The following SERPING1 variants were observed in gnomAD, a reference collection of about 807,000 sequenced individuals.
SERPING1 encodes the protein serpin family G member 1.
Under a neutral mutation model 34.1 loss-of-function variants are expected in SERPING1, and 5 were observed. That is an observed-to-expected ratio of 0.15 (90% CI 0.08 to 0.31). The LOEUF (loss-of-function observed/expected upper bound fraction) is 0.31, where lower values mean the gene tolerates loss of function less well. SERPING1 is among the 10% of genes least tolerant of loss of function. SERPING1 has a pLI of 1.00. For synonymous variants in SERPING1, 225 were observed against 242.4 expected (o/e 0.93, Z 0.67); for missense variants, 505 against 609.5 (o/e 0.83, Z 1.81).
intron 6 of SERPING1, 35 bp downstream of exon 6, chr11:57,606,582 C>T (rs757086834): frequency 3.1e-6 from 5 of 1,612,778 alleles, no homozygotes; most frequent in Non-Finnish European, 4.2e-6. Context: ...CTGTTTGAAA[C>T]CTACTTGAGT....
intron 3 of SERPING1, among the ~76,000 whole-genome samples, chr11:57,601,665 C>T (rs1441357470): frequency 2.0e-5 from 3 of 151,854 alleles, no homozygotes; most frequent in African/African-American, 7.3e-5. Flanking sequence ...GAGTTCAAGA[C>T]CAGCCTGGCC....
chr11:57,599,044 C>G (rs1214685491), intron 2 of SERPING1, among the ~76,000 whole-genome samples: 1 of 152,032 alleles, frequency 6.6e-6, no homozygotes, highest in Non-Finnish European at 1.5e-5. Context: ...CTGTTTCTCC[C>G]ATTTCTGTGA....
chr11:57,607,534 G>T (rs1347318058), intron 6 of SERPING1, among the ~76,000 whole-genome samples: 1 of 152,122 alleles, frequency 6.6e-6, no homozygotes, highest in Non-Finnish European at 1.5e-5. Context: ...GTTTCCTTCT[G>T]TATCTGTAGT....
rs1162891066 is a variant in SERPING1, at chr11:57,606,310, T to G, written c.889+97T>G. ...TAACCCCAAGTTCTACAATCGGATC[T>G]CAATGTCCCTGCACTACTCTTTGCT... On this transcript the variant is annotated intron_variant, in intron 5 of 7. Transcript: ENST00000278407. 4 of 1,595,364 alleles carry G rather than the reference T, an allele frequency of 2.5e-6. No homozygotes were observed. In the African/African-American group the frequency reaches 5.4e-5, roughly 21 times the overall value.
chr11:57,603,590 G>C (rs567309848), intron 4 of SERPING1, among the ~76,000 whole-genome samples: 1 of 151,404 alleles, frequency 6.6e-6, no homozygotes, highest in African/African-American at 2.4e-5. Flanking sequence ...TGTAATCCCA[G>C]CACTTTGGGA....
chr11:57,601,123 G>A (rs1024033923), intron 3 of SERPING1, among the ~76,000 whole-genome samples: 4 of 151,980 alleles, frequency 2.6e-5, no homozygotes, highest in South Asian at 2.1e-4. Context: ...AAGCCAGGCC[G>A]GATGCGGTGG....
At chr11:57,614,184 G>C in intron 7 of SERPING1, 144 bp from the exon 8 acceptor site, 1 of 1,058,690 alleles carries the variant, frequency 9.4e-7, no homozygotes, top group South Asian at 1.3e-5. Flanking sequence ...CTGCCAGAGG[G>C]TACAGTATGT....
At chr11:57,613,483 C>T (rs1281019480) in intron 7 of SERPING1, among the ~76,000 whole-genome samples, 1 of 152,168 alleles carries the variant, frequency 6.6e-6, no homozygotes, top group Non-Finnish European at 1.5e-5. Flanking sequence ...TCAGGAGACA[C>T]TTACATTTAC....
intron 7 of SERPING1, among the ~76,000 whole-genome samples, chr11:57,613,448 C>T (rs1945503130): frequency 6.6e-6 from 1 of 152,184 alleles, no homozygotes; most frequent in Non-Finnish European, 1.5e-5. Flanking sequence ...AGGGTTTCAT[C>T]ATTTGCTAGA....
chr11:57,611,491 G>A (rs1246494331), intron 6 of SERPING1: 4 of 589,352 alleles, frequency 6.8e-6, no homozygotes, highest in Admixed American at 2.9e-5. Context: ...GGTATAATCA[G>A]AAACTCATGC....
In SERPING1 at chr11:57,614,528, C is replaced by G; in HGVS notation, c.1450C>G (p.Gln484Glu). The change falls in exon 8 of 8, where the codon CAG (glutamine) becomes GAG (glutamate). Residue 484 changes from glutamine to glutamate, a missense_variant. By Grantham distance (29) the Gln-to-Glu change is conservative (BLOSUM62 2). Coordinates refer to ENST00000278407, the MANE Select transcript of SERPING1 (RefSeq NM_000062.3). ...GCCCTTCCTCTTCGTGCTCTGGGAC[C>G]AGCAGCACAAGTTCCCTGTCTTCAT... Reference protein sequence around the residue: ...QQPFLFVLWDQQHKFPVFMGR... With the variant: ...QQPFLFVLWDEQHKFPVFMGR... The G allele has an allele frequency of 6.2e-7, 1 of 1,614,076 alleles. No homozygotes were observed. Among genetic ancestry groups the G allele is most frequent in the Non-Finnish European group, 8.5e-7 (1 of 1,179,978 alleles).
chr11:57,604,535 G>A (rs1326273692), intron 4 of SERPING1, among the ~76,000 whole-genome samples: 1 of 151,974 alleles, frequency 6.6e-6, no homozygotes, highest in Admixed American at 6.6e-5. Flanking sequence ...TCCCCACCCA[G>A]CCTCAGCCAG....
At chr11:57,604,244 G>T (rs1009575263) in intron 4 of SERPING1, among the ~76,000 whole-genome samples, 1 of 152,040 alleles carries the variant, frequency 6.6e-6, no homozygotes, top group African/African-American at 2.4e-5. Flanking sequence ...TCATTTTTGG[G>T]TCAAAGGAGT....
chr11:57,606,029 C>G lies in SERPING1; in HGVS notation c.705C>G (p.Thr235=). The G allele has an allele frequency of 6.2e-7, 1 of 1,614,112 alleles. No homozygotes were observed. The highest frequency in any genetic ancestry group is 8.5e-7 in the Non-Finnish European group (1 of 1,180,034). Residue 235 remains threonine (T), a synonymous_variant, in exon 5 of 8, where the codon ACC becomes ACG. Coordinates refer to ENST00000278407, the MANE Select transcript of SERPING1 (RefSeq NM_000062.3). The part of the protein sequence containing the change: ...FHSPDLAIRD[T]FVNASRTLYS... The stretch of plus-strand genomic sequence containing the variant: ...CCCCAGACCTGGCCATAAGGGACAC[C>G]TTTGTGAATGCCTCTCGGACCCTGT...
chr11:57,600,475 C>T, intron 3 of SERPING1, 98 bp downstream of exon 3: 2 of 1,377,786 alleles, frequency 1.5e-6, no homozygotes, highest in South Asian at 2.4e-5. Context: ...TGGGAAGAAG[C>T]TGTAAAAATG....
intron 1 of SERPING1, 135 bp from the exon 2 acceptor site, chr11:57,598,114 G>A: frequency 1.6e-6 from 1 of 619,428 alleles, no homozygotes; most frequent in East Asian, 3.0e-5. Flanking sequence ...GGAGAAGGTG[G>A]CCCCAGGAGG....
Position 57,606,053 on chromosome 11 carries a change from G to A in SERPING1, c.729G>A (p.Leu243=), listed in dbSNP as rs1945405283. 2 of 1,614,108 alleles carry A rather than the reference G, an allele frequency of 1.2e-6. No individual in the cohort carries two copies. The highest frequency in any genetic ancestry group is 1.7e-6 in the Non-Finnish European group (2 of 1,180,026). ...RDTFVNASRT[L]YSSSPRVLSN... ...CCTTTGTGAATGCCTCTCGGACCCT[G>A]TACAGCAGCAGCCCCAGAGTCCTAA... The change falls in exon 5 of 8, where the codon CTG becomes CTA. Residue 243 remains leucine (L), a synonymous_variant. Transcript: ENST00000278407.
chr11:57,614,257 G>T, intron 7 of SERPING1, 71 bp from the exon 8 acceptor site: 1 of 1,587,742 alleles, frequency 6.3e-7, no homozygotes, highest in Non-Finnish European at 8.6e-7. Context: ...AGAGAATTCA[G>T]GACAAAGGTC....
Position 57,614,322 on chromosome 11 carries a change from C to T in SERPING1, c.1250-6C>T. On this transcript the variant is annotated splice_polypyrimidine_tract_variant and splice_region_variant and intron_variant, in intron 7 of 7. Coordinates refer to ENST00000278407, the MANE Select transcript of SERPING1 (RefSeq NM_000062.3). The stretch of plus-strand genomic sequence containing the variant: ...CTGACTCTGTTTTTCTCTGGTTTTG[C>T]CCTAGAATTCTTCGATTTTTCTTAT... 1.2e-6 allele frequency: 2 copies of T among 1,613,218 alleles called. No homozygotes were observed. The highest frequency in any genetic ancestry group is 8.5e-7 in the Non-Finnish European group (1 of 1,180,020).
Sources: allele counts gnomAD v4.1 joint callset (sites outside exome capture counted in the v4.1 genomes callset), GRCh38; gene constraint gnomAD v4.1.1; transcripts MANE v1.5; gene names NCBI Gene and HGNC (gene_info 2026-07-23, HGNC 2026-07-21).